Variants in KCNQ5 observed in about 807,000 individuals in gnomAD.
KCNQ5 encodes potassium voltage-gated channel subfamily KQT member 5.
KCNQ5 carries 30 observed loss-of-function variants against 98.2 expected under a neutral mutation model. The ratio of observed to expected loss-of-function variants is 0.31; its 90% CI spans 0.23 to 0.41. The LOEUF is 0.41. Among genes scored for constraint, KCNQ5 ranks in the 10% least tolerant of loss-of-function variants. The pLI, the probability that KCNQ5 is intolerant of heterozygous loss-of-function variation, is 1.00. For synonymous variants in KCNQ5, 458 were observed against 449.4 expected, an observed-to-expected ratio of 1.02 and a Z score of -0.24; for missense variants, 835 against 1,182.5, an observed-to-expected ratio of 0.71 and a Z score of 4.31.
chr6:72,778,606 C>G lies in KCNQ5; in HGVS notation c.398+156019C>G, dbSNP rs528607799. On this transcript the variant is annotated intron_variant, in intron 1 of 13. Coordinates refer to ENST00000370398, the MANE Select transcript of KCNQ5 (RefSeq NM_019842.4). The stretch of plus-strand genomic sequence containing the variant: ...AAAGAATAGATTTTAAATATTCCCA[C>G]CACAAAAAAAAAGGTAACTATGTGA... Among the ~76,000 whole-genome samples the G allele has an allele frequency of 5.9e-3, 615 of 103,516 alleles. 1 individual carries two copies. The highest frequency in any genetic ancestry group is 0.028 in the Middle Eastern group (5 of 180). 67.9% of individuals were successfully genotyped at this position (103,516 alleles called of 152,430 possible).
Position 73,003,917 on chromosome 6 carries a change from T to G in KCNQ5, c.408T>G (p.Leu136=). 1 of 1,611,504 alleles carries G rather than the reference T, an allele frequency of 6.2e-7. No individual in the cohort carries two copies. Among genetic ancestry groups the G allele is most frequent in the Non-Finnish European group, 8.5e-7 (1 of 1,177,916 alleles). Residue 136 remains leucine, a synonymous_variant, in exon 2 of 14, where the codon CTT becomes CTG. Coordinates refer to ENST00000370398, the MANE Select transcript of KCNQ5 (RefSeq NM_019842.4). ...TTTTGTTGTTTTACAGTTTTCTCCT[T>G]GTCTTTGGTTGCTTGATTTTGTCAG... ...AFIYHAFVFL[L]VFGCLILSVF... is the part of the protein sequence containing the mutation.
intron 1 of KCNQ5, among the ~76,000 whole-genome samples, chr6:72,918,778 A>T (rs910326094): frequency 6.6e-6 from 1 of 152,168 alleles, no homozygotes. Context: ...ATATACTTCT[A>T]TGATACTATA....
chr6:73,031,126 T>C (rs1771123254), intron 2 of KCNQ5, among the ~76,000 whole-genome samples: 1 of 152,210 alleles, frequency 6.6e-6, no homozygotes, highest in Admixed American at 6.5e-5. Flanking sequence ...CCCCACAGCT[T>C]GTCTTAAGAA....
At chr6:72,897,846 T>C (rs1779311804) in intron 1 of KCNQ5, among the ~76,000 whole-genome samples, 1 of 152,108 alleles carries the variant, frequency 6.6e-6, no homozygotes, top group Non-Finnish European at 1.5e-5. Context: ...TAAGAGTAAG[T>C]GAACTCCCTA....
chr6:72,701,394 A>T (rs1768797997), intron 1 of KCNQ5, among the ~76,000 whole-genome samples: 1 of 152,232 alleles, frequency 6.6e-6, no homozygotes, highest in Non-Finnish European at 1.5e-5. Context: ...ACTTCTGAAG[A>T]GCAAGAAGCA....
At position 73,042,117 on chromosome 6, in the gene KCNQ5, A is replaced by T. The variant is rs1258065837; in HGVS notation, c.616+55A>T. ...TATGACACCAACATTCTTGTCTTCT[A>T]TCTCCTGTTTTGCAATATTTGATTA... On this transcript the variant is annotated intron_variant, in intron 3 of 13. Coordinates refer to ENST00000370398, the MANE Select transcript of KCNQ5 (RefSeq NM_019842.4). The T allele has an allele frequency of 5.6e-6, 9 of 1,599,450 alleles. No individual in the cohort carries two copies. The East Asian group carries it at 2.0e-4, about 36-fold the overall frequency.
At chr6:73,185,190 T>A (rs951782722) in intron 11 of KCNQ5, among the ~76,000 whole-genome samples, 1 of 152,130 alleles carries the variant, frequency 6.6e-6, no homozygotes, top group Non-Finnish European at 1.5e-5. Context: ...AGAAGTGAGC[T>A]TTTTTTGAGA....
intron 1 of KCNQ5, among the ~76,000 whole-genome samples, chr6:72,839,755 A>G (rs1345443089): frequency 6.6e-6 from 1 of 152,232 alleles, no homozygotes; most frequent in Non-Finnish European, 1.5e-5. Context: ...ATGATTAAGT[A>G]AGCTAATTAA....
chr6:72,995,186 T>A (rs901536415), intron 1 of KCNQ5, among the ~76,000 whole-genome samples: 2 of 152,070 alleles, frequency 1.3e-5, no homozygotes, highest in African/African-American at 2.4e-5. Flanking sequence ...CTGACCAACA[T>A]GGTGAAGCCC....
chr6:73,161,740 T>C (rs1013111661), intron 10 of KCNQ5, among the ~76,000 whole-genome samples: 3 of 152,194 alleles, frequency 2.0e-5, no homozygotes, highest in Non-Finnish European at 4.4e-5. Context: ...TAAAATTTCA[T>C]AGTGGAAATA....
At chr6:72,976,120 T>C (rs1330427682) in intron 1 of KCNQ5, among the ~76,000 whole-genome samples, 1 of 152,208 alleles carries the variant, frequency 6.6e-6, no homozygotes, top group Non-Finnish European at 1.5e-5. Flanking sequence ...TTAAGCTTAT[T>C]TTTATCCTTT....
At chr6:73,127,662 T>C (rs1310776434) in intron 9 of KCNQ5, among the ~76,000 whole-genome samples, 1 of 152,228 alleles carries the variant, frequency 6.6e-6, no homozygotes. Flanking sequence ...AAAAGGGATT[T>C]TGTCTTTCTA....
chr6:72,687,382 A>G (rs928625985), intron 1 of KCNQ5, among the ~76,000 whole-genome samples: 1 of 152,216 alleles, frequency 6.6e-6, no homozygotes, highest in Non-Finnish European at 1.5e-5. Context: ...TAATCTGTTC[A>G]GCAAATATTG....
intron 2 of KCNQ5, among the ~76,000 whole-genome samples, chr6:73,018,144 G>A (rs1385177964): frequency 6.6e-6 from 1 of 152,140 alleles, no homozygotes; most frequent in East Asian, 1.9e-4. Flanking sequence ...TTGACTTAAT[G>A]ATAATAATGA....
intron 9 of KCNQ5, among the ~76,000 whole-genome samples, chr6:73,127,620 A>G (rs965340025): frequency 6.6e-6 from 1 of 152,250 alleles, no homozygotes; most frequent in Non-Finnish European, 1.5e-5. Flanking sequence ...CCCTTAGTTA[A>G]CTACATTCCC....
At chr6:72,987,740 T>TG in intron 1 of KCNQ5, 1 of 519,630 alleles carries the variant, frequency 1.9e-6, no homozygotes, top group Non-Finnish European at 3.5e-6. Flanking sequence ...TTAGCCAAGC[T>TG]GGAAGATTAA....
chr6:72,980,765 A>G (rs1285502350), intron 1 of KCNQ5, among the ~76,000 whole-genome samples: 1 of 152,176 alleles, frequency 6.6e-6, no homozygotes, highest in Non-Finnish European at 1.5e-5. Flanking sequence ...TTTCAAAGGA[A>G]ATGCTTCCAG....
At chr6:72,695,147 C>T (rs1768419467) in intron 1 of KCNQ5, among the ~76,000 whole-genome samples, 1 of 152,108 alleles carries the variant, frequency 6.6e-6, no homozygotes, top group Admixed American at 6.6e-5. Flanking sequence ...TATGTCTTTG[C>T]TATTACGGTT....
intron 1 of KCNQ5, among the ~76,000 whole-genome samples, chr6:72,717,987 C>T (rs1331058303): frequency 2.6e-5 from 4 of 152,156 alleles, no homozygotes; most frequent in Non-Finnish European, 2.9e-5. Flanking sequence ...CTCTTTCTCC[C>T]AAACATCATA....
Sources: gnomAD v4.1 joint callset for allele counts (sites outside exome capture counted in the v4.1 genomes callset) on GRCh38, gnomAD v4.1.1 for gene constraint, MANE v1.5 for transcripts, NCBI Gene and HGNC (gene_info 2026-07-23, HGNC 2026-07-21) for gene names.